ADGB: variants seen among roughly 807,000 people sequenced by gnomAD.
The protein encoded by ADGB is androglobin.
A neutral mutation model predicts 210.5 loss-of-function variants in ADGB; 172 were observed. The ratio of observed to expected loss-of-function variants is 0.82; its 90% CI spans 0.72 to 0.93. ADGB has a LOEUF of 0.93. Among genes scored for constraint, ADGB ranks in the 40% least tolerant of loss-of-function variants. The pLI is 0.00. For missense variants in ADGB, 2,025 were observed against 1,964.8 expected (o/e 1.03, Z -0.58); for synonymous variants, 658 against 662.7 (o/e 0.99, Z 0.11).
At chr6:146,655,010 C>T (rs1775760096) in intron 4 of ADGB, among the ~76,000 whole-genome samples, 1 of 152,138 alleles carries the variant, frequency 6.6e-6, no homozygotes, top group Non-Finnish European at 1.5e-5. Context: ...ATCTGTTTCT[C>T]AGACTTTTGT....
intron 35 of ADGB, among the ~76,000 whole-genome samples, chr6:146,809,502 G>A (rs546901761): frequency 6.3e-4 from 96 of 151,972 alleles, no homozygotes; most frequent in East Asian, 3.1e-3. Flanking sequence ...CATGGCACCC[G>A]GCCAATTTCT....
chr6:146,753,073 C>T (rs2114612992), intron 27 of ADGB, among the ~76,000 whole-genome samples: 1 of 152,042 alleles, frequency 6.6e-6, no homozygotes, highest in Admixed American at 6.6e-5. Context: ...AAAGTTACTA[C>T]TTGCAATATA....
chr6:146,710,334 C>T (rs1412853716), intron 13 of ADGB, among the ~76,000 whole-genome samples: 1 of 151,422 alleles, frequency 6.6e-6, no homozygotes, highest in Non-Finnish European at 1.5e-5. Flanking sequence ...TTATTTTTTC[C>T]CATATAGATA....
At chr6:146,721,898 C>T (rs1441142553) in intron 17 of ADGB, among the ~76,000 whole-genome samples, 2 of 151,996 alleles carry the variant, frequency 1.3e-5, no homozygotes, top group Non-Finnish European at 2.9e-5. Flanking sequence ...GGAACTTCCT[C>T]CCTTTCCAGA....
chr6:146,760,932 AT>A (rs965483600), intron 27 of ADGB, among the ~76,000 whole-genome samples: 7 of 151,892 alleles, frequency 4.6e-5, no homozygotes, highest in African/African-American at 1.7e-4. Context: ...TTACACCCAC[AT>A]TTTTAATGAG....
chr6:146,740,529 GC>G lies in ADGB; in HGVS notation c.2960del (p.Ala987ValfsTer7). On this transcript the variant is annotated frameshift_variant, in exon 24 of 36. Coordinates refer to ENST00000397944, the MANE Select transcript of ADGB (RefSeq NM_024694.4). LOFTEE classifies it high-confidence loss of function. ...PCYQDEETKI[A>X]FADYTVTYQE... The stretch of plus-strand genomic sequence containing the variant: ...CTATCAAGATGAAGAAACTAAGATT[GC>G]TTTTGCAGATTATACTGTGACTTAT... The G allele has an allele frequency of 6.4e-7, 1 of 1,550,424 alleles. No homozygotes were observed. The highest frequency in any genetic ancestry group is 8.7e-7 in the Non-Finnish European group (1 of 1,146,236).
At chr6:146,709,242 G>A (rs1776622535) in intron 13 of ADGB, among the ~76,000 whole-genome samples, 1 of 152,134 alleles carries the variant, frequency 6.6e-6, no homozygotes, top group Non-Finnish European at 1.5e-5. Context: ...GGCTTTTGGT[G>A]CTTTATTTTG....
chr6:146,661,220 CTTTTTTT>C (rs5880682), intron 5 of ADGB, among the ~76,000 whole-genome samples: 4 of 116,068 alleles, frequency 3.4e-5, no homozygotes, highest in South Asian at 2.9e-4. Context: ...TTCTTTTTTT[CTTTTTTT>C]TTTTTTTTTT....
chr6:146,765,546 A>G (rs907071660), intron 28 of ADGB, among the ~76,000 whole-genome samples: 1 of 151,676 alleles, frequency 6.6e-6, no homozygotes, highest in African/African-American at 2.4e-5. Context: ...AATAAAATAG[A>G]AACTAATAAT....
At chr6:146,731,351 A>C (rs529418341) in intron 20 of ADGB, among the ~76,000 whole-genome samples, 1 of 120,604 alleles carries the variant, frequency 8.3e-6, no homozygotes, top group Non-Finnish European at 1.8e-5. Flanking sequence ...TTAAATCACC[A>C]TATGACAAAA....
chr6:146,667,580 TTA>T (rs771773107), intron 7 of ADGB, among the ~76,000 whole-genome samples: 2 of 151,970 alleles, frequency 1.3e-5, no homozygotes, highest in African/African-American at 4.8e-5. Context: ...TCTCCCACAC[TTA>T]TATATATACT....
chr6:146,628,635 G>A (rs1781015418), intron 1 of ADGB, among the ~76,000 whole-genome samples: 1 of 151,504 alleles, frequency 6.6e-6, no homozygotes, highest in African/African-American at 2.4e-5. Context: ...CTATTCTGCT[G>A]TTTCTTGCCT....
intron 29 of ADGB, among the ~76,000 whole-genome samples, chr6:146,769,648 C>T (rs929112849): frequency 6.6e-6 from 1 of 152,086 alleles, no homozygotes; most frequent in Admixed American, 6.6e-5. Context: ...AGGGAAATCT[C>T]CAACAGCTTT....
chr6:146,794,703 A>G (rs1402145592), intron 33 of ADGB, among the ~76,000 whole-genome samples: 1 of 152,164 alleles, frequency 6.6e-6, no homozygotes, highest in Non-Finnish European at 1.5e-5. Flanking sequence ...AAAAGCAAGA[A>G]GCAACAATAA....
Position 146,701,197 on chromosome 6 carries a change from TTAAAA to T in ADGB, c.1707+132_1707+136del, listed in dbSNP as rs1057030188. 1.3e-5 allele frequency: 14 copies of T among 1,085,678 alleles called. 1 individual carries two copies. In the African/African-American group the frequency reaches 1.5e-4, roughly 11 times the overall value. 67.3% of individuals were successfully genotyped at this position (1,085,678 alleles called of 1,614,324 possible). A position where few individuals can be genotyped will look rare whatever the true frequency, so the allele number is the denominator to read the frequency against. ...GATCTGAACAGTATAAAGAATAGTG[TTAAAA>T]TAAATCTCTTATGTATCTATCACCT... On this transcript the variant is annotated intron_variant, in intron 13 of 35. Transcript: ENST00000397944.
At chr6:146,709,683 A>G (rs1776632200) in intron 13 of ADGB, among the ~76,000 whole-genome samples, 1 of 152,202 alleles carries the variant, frequency 6.6e-6, no homozygotes, top group African/African-American at 2.4e-5. Context: ...TAGGCCTGGT[A>G]GGGATCTACT....
At chr6:146,734,605 T>C (rs1777051361) in intron 22 of ADGB, among the ~76,000 whole-genome samples, 1 of 152,220 alleles carries the variant, frequency 6.6e-6, no homozygotes, top group Non-Finnish European at 1.5e-5. Context: ...TTTTTGCCAA[T>C]AGGCCAGTTT....
At chr6:146,779,902 T>C (rs1233118809) in intron 29 of ADGB, among the ~76,000 whole-genome samples, 1 of 149,088 alleles carries the variant, frequency 6.7e-6, no homozygotes, top group Admixed American at 6.7e-5. Context: ...TGAAGCTACA[T>C]AAAGAAATAA....
Position 146,607,454 on chromosome 6 carries a change from G to C in ADGB, c.74+8340G>C, listed in dbSNP as rs58876088. On this transcript the variant is annotated intron_variant, in intron 1 of 35. Coordinates refer to ENST00000397944, the MANE Select transcript of ADGB (RefSeq NM_024694.4). The stretch of plus-strand genomic sequence containing the variant: ...TTTGGAATAGGAGTGGTGAGAGTAG[G>C]CATCCTTTTCATGTTCTGGTTCTCA... 5.9e-3 allele frequency among the ~76,000 whole-genome samples: 901 copies of C among 152,196 alleles called. 9 individuals are homozygous for C. Among genetic ancestry groups the C allele is most frequent in the African/African-American group, 0.02 (820 of 41,522 alleles).
Sources: allele counts gnomAD v4.1 joint callset (sites outside exome capture counted in the v4.1 genomes callset), GRCh38; gene constraint gnomAD v4.1.1; transcripts MANE v1.5; gene names NCBI Gene and HGNC (gene_info 2026-07-23, HGNC 2026-07-21).